The following COL16A1 variants were observed in gnomAD, a reference collection of about 807,000 sequenced individuals.
The protein encoded by COL16A1 is collagen alpha-1(XVI) chain.
Under a neutral mutation model 266.3 loss-of-function variants are expected in COL16A1, and 189 were observed. That is an observed-to-expected ratio of 0.71 (90% confidence interval 0.63 to 0.80). The LOEUF is 0.80. Among genes scored for constraint, COL16A1 ranks in the 30% least tolerant of loss-of-function variants. The probability of loss-of-function intolerance (pLI) is 0.00; values close to 1 mark genes in which losing one functional copy is unlikely to be tolerated. For synonymous variants in COL16A1, 740 were observed against 782.3 expected (o/e 0.95, Z 0.90); for missense variants, 1,928 against 2,122.4 (o/e 0.91, Z 1.80).
chr1:31,656,521 A>G lies in COL16A1; in HGVS notation c.4057-77T>C, dbSNP rs1557605474. 5 of 1,570,114 alleles carry G rather than the reference A, an allele frequency of 3.2e-6. No individual in the cohort carries two copies. In the East Asian group the frequency reaches 1.2e-4, roughly 36 times the overall value. On this transcript the variant is annotated intron_variant, in intron 65 of 70. Coordinates refer to ENST00000373672, the MANE Select transcript of COL16A1 (RefSeq NM_001856.4). This position sits in a 1 kb window ranked among gnomAD's most constrained non-coding sequence, Gnocchi z 4.2. Reference sequence around the variant, plus strand: ...CCCTGGGGAGGCAGGTGCAGTGAAGAGGCCCCTTCCACAGCCTGAGGCCCC... The same window carrying G: ...CCCTGGGGAGGCAGGTGCAGTGAAGGGGCCCCTTCCACAGCCTGAGGCCCC...
At chr1:31,662,191 G>A (rs1224721382) in intron 58 of COL16A1, 143 bp downstream of exon 58, 10 of 1,463,512 alleles carry the variant, frequency 6.8e-6, no homozygotes, top group Admixed American at 5.9e-5. Flanking sequence ...CTGGGGTAGA[G>A]GGAGACAGAC....
chr1:31,695,690 C>T (rs1644465143), intron 10 of COL16A1, 71 bp downstream of exon 10: 1 of 1,455,842 alleles, frequency 6.9e-7, no homozygotes, highest in South Asian at 1.2e-5. Context: ...TGCTGAGGAT[C>T]CGTGCCCAAA....
At position 31,662,638 on chromosome 1, in the gene COL16A1, G is replaced by A; in HGVS notation, c.3576C>T (p.Gly1192=). The change falls in exon 57 of 71, where the codon GGC becomes GGT. Residue 1192 remains glycine (G), a synonymous_variant. Coordinates refer to ENST00000373672, the MANE Select transcript of COL16A1 (RefSeq NM_001856.4). The part of the protein sequence containing the change: ...QAEKGSEGIR[G]PSGLPGSPGP... ...CAGGGGAGCCAGGCAGGCCTGATGG[G>A]CCTCGAATCCCTTCGCTGCCCTGGA... 2 of 1,552,102 alleles carry A rather than the reference G, an allele frequency of 1.3e-6. No individual in the cohort carries two copies. The highest frequency in any genetic ancestry group is 1.7e-6 in the Non-Finnish European group (2 of 1,148,962).
chr1:31,690,629 C>G, intron 20 of COL16A1, 56 bp from the exon 21 acceptor site: 1 of 1,594,222 alleles, frequency 6.3e-7, no homozygotes, highest in Non-Finnish European at 8.5e-7. Context: ...AATCTCGGTG[C>G]GTTCCCCCTT....
chr1:31,695,819 C>G, intron 9 of COL16A1, 32 bp from the exon 10 acceptor site: 1 of 1,597,768 alleles, frequency 6.3e-7, no homozygotes, highest in Non-Finnish European at 8.6e-7. Flanking sequence ...TGGGAATGGG[C>G]AGGGAGCTCA....
At position 31,665,626 on chromosome 1, in the gene COL16A1, G is replaced by A. The variant is rs753493539; in HGVS notation, c.3457-8C>T. 3 of 1,613,390 alleles carry A rather than the reference G, an allele frequency of 1.9e-6. No individual in the cohort carries two copies. Among genetic ancestry groups the A allele is most frequent in the East Asian group, 4.5e-5 (2 of 44,842 alleles). ...TGGCTGGCCTTGAAATCCCTAGGGT[G>A]AGAAGCAAGGGGCAGTGTGCTGTGC... On this transcript the variant is annotated splice_region_variant and splice_polypyrimidine_tract_variant and intron_variant, in intron 54 of 70. Coordinates refer to ENST00000373672, the MANE Select transcript of COL16A1 (RefSeq NM_001856.4).
rs570171179 is a variant in COL16A1 at position 31,668,387 on chromosome 1, C to T, written c.3250-169G>A. 3.0e-4 allele frequency among the ~76,000 whole-genome samples: 45 copies of T among 152,296 alleles called. No homozygotes were observed. Among genetic ancestry groups the T allele is most frequent in the African/African-American group, 8.2e-4 (34 of 41,562 alleles). Reference sequence around the variant, plus strand: ...TCCCCAAGCCCCAGGTCCCCTCGGTCGTGACCACCACCACAGACCTGGGCT... The same window carrying T: ...TCCCCAAGCCCCAGGTCCCCTCGGTTGTGACCACCACCACAGACCTGGGCT... On this transcript the variant is annotated intron_variant, in intron 50 of 70. Coordinates refer to ENST00000373672, the MANE Select transcript of COL16A1 (RefSeq NM_001856.4). This position sits in a 1 kb window ranked among gnomAD's most constrained non-coding sequence, Gnocchi z 5.8.
Position 31,652,615 on chromosome 1 carries a change from C to T in COL16A1, c.*36G>A. 4 of 1,524,106 alleles carry T rather than the reference C, an allele frequency of 2.6e-6. No individual in the cohort carries two copies. Among genetic ancestry groups the T allele is most frequent in the Non-Finnish European group, 3.5e-6 (4 of 1,138,660 alleles). 94.4% of individuals were successfully genotyped at this position (1,524,106 alleles called of 1,614,324 possible). Reference sequence around the variant, plus strand: ...CCTATAAGCTTTGGCCATTTATTCCCAACGGAGTCTTTCATCCAAAGGCAG... The same window carrying T: ...CCTATAAGCTTTGGCCATTTATTCCTAACGGAGTCTTTCATCCAAAGGCAG... On this transcript the variant is annotated 3_prime_UTR_variant, in exon 71 of 71. Coordinates refer to ENST00000373672, the MANE Select transcript of COL16A1 (RefSeq NM_001856.4). The surrounding 1 kb of genome is among the most constrained non-coding windows in gnomAD (Gnocchi z 4.8).
intron 42 of COL16A1, among the ~76,000 whole-genome samples, chr1:31,675,974 A>G (rs1212697755): frequency 6.6e-6 from 1 of 152,174 alleles, no homozygotes; most frequent in Non-Finnish European, 1.5e-5. Flanking sequence ...TCGTTTAATC[A>G]TCACAGCTAT....
Position 31,665,866 on chromosome 1 carries a change from C to T in COL16A1, c.3456+16G>A, listed in dbSNP as rs983522344. On this transcript the variant is annotated intron_variant, in intron 54 of 70. Coordinates refer to ENST00000373672, the MANE Select transcript of COL16A1 (RefSeq NM_001856.4). ...CTTCCCTGCCTCCCTGCAGCCAGGT[C>T]CCAGTCGTCACTCACCTGGTCGCCC... 12 of 1,614,030 alleles carry T rather than the reference C, an allele frequency of 7.4e-6. No homozygotes were observed. The African/African-American group carries it at 1.6e-4, about 22-fold the overall frequency.
Position 31,698,039 on chromosome 1 carries a change from A to T in COL16A1, c.524T>A (p.Val175Glu). 6.2e-7 allele frequency: 1 copy of T among 1,613,892 alleles called. No homozygotes were observed. ...DLRWHKLMLS[V>E]AGRVASVHVD... ...GTGCACAGAGGCCACACGTCCAGCCACACTCAGCATCAGCTTGTGCCAACG... is the reference window on the plus strand; with the variant it reads ...GTGCACAGAGGCCACACGTCCAGCCTCACTCAGCATCAGCTTGTGCCAACG... The change falls in exon 6 of 71, where the codon GTG becomes GAG. Residue 175 changes from valine to glutamate, a missense_variant. Physicochemically the swap from Val to Glu is moderately radical, Grantham distance 121. Around this residue, in one of 2 missense-constraint regions of COL16A1, gnomAD observed 1,552 missense variants for 1,637.2 expected, o/e 0.95. Coordinates refer to ENST00000373672, the MANE Select transcript of COL16A1 (RefSeq NM_001856.4). This position sits in a 1 kb window ranked among gnomAD's most constrained non-coding sequence, Gnocchi z 4.1.
At chr1:31,692,409 T>A in intron 16 of COL16A1, 65 bp downstream of exon 16, 1 of 1,561,874 alleles carries the variant, frequency 6.4e-7, no homozygotes, top group Non-Finnish European at 8.7e-7. Flanking sequence ...CGACTCCTCC[T>A]TCCTCATGGC....
rs917456933 is a variant in COL16A1, at chr1:31,656,212, T to TC, written c.4101+187dup. The TC allele has an allele frequency of 3.5e-6, 3 of 861,640 alleles. No individual in the cohort carries two copies. The highest frequency in any genetic ancestry group is 3.0e-5 in the Admixed American group (1 of 33,658). The allele number at this position is 861,640 out of a possible 1,614,324, so 53.4% of individuals were successfully genotyped here. ...TGAGTAAATGAACTGGAGATTTCCT[T>TC]CCCCCCAACCACAGCTAATGACCCC... is the stretch of plus-strand genomic sequence containing the variant. On this transcript the variant is annotated intron_variant, in intron 66 of 70. Transcript: ENST00000373672. The surrounding 1 kb of genome is among the most constrained non-coding windows in gnomAD (Gnocchi z 4.2).
Position 31,697,854 on chromosome 1 carries a change from C to T in COL16A1, c.657+52G>A, listed in dbSNP as rs1644565140. The T allele has an allele frequency of 5.2e-6, 8 of 1,543,252 alleles. No individual in the cohort carries two copies. The highest frequency in any genetic ancestry group is 7.0e-6 in the Non-Finnish European group (8 of 1,145,936). On this transcript the variant is annotated intron_variant, in intron 6 of 70. Transcript: ENST00000373672. The surrounding 1 kb of genome is among the most constrained non-coding windows in gnomAD (Gnocchi z 4.2). ...TCCGATACGGATTCCAGGAAGCCCA[C>T]TCAGGTTCCCAGAAGGCAGGAACAG...
chr1:31,683,463 A>G (rs899716491), intron 34 of COL16A1, 94 bp from the exon 35 acceptor site: 2 of 1,604,888 alleles, frequency 1.2e-6, no homozygotes, highest in African/African-American at 2.7e-5. Context: ...TGGGTGGGGT[A>G]TCTGCCAGCC....
chr1:31,665,731 C>T (rs915373466), intron 54 of COL16A1, 113 bp from the exon 55 acceptor site: 1 of 1,591,050 alleles, frequency 6.3e-7, no homozygotes, highest in African/African-American at 1.3e-5. Flanking sequence ...CTTTGCCCTC[C>T]CCTCTGCCCA....
rs779699223 is a variant in COL16A1, at chr1:31,662,686, C to A, written c.3556-28G>T. ...GGAAACCAGCGCCGCCCCCCCCCCC[C>A]GCCCCACAATAAAGTCAGCAGGGCT... On this transcript the variant is annotated intron_variant, in intron 56 of 70. Transcript: ENST00000373672. 1.4e-4 allele frequency: 140 copies of A among 1,021,402 alleles called. No individual in the cohort carries two copies. In the South Asian group the frequency reaches 1.8e-3, roughly 13 times the overall value. 63.3% of individuals were successfully genotyped at this position (1,021,402 alleles called of 1,614,324 possible).
intron 62 of COL16A1, chr1:31,660,083 C>CCCAT (rs147062121): frequency 0.14 from 21,201 of 151,410 alleles, 2,799 homozygotes; most frequent in African/African-American, 0.35. Flanking sequence ...TCTCTGGAGT[C>CCCAT]CCATCAGCTC....
chr1:31,684,607 G>A lies in COL16A1; in HGVS notation c.2076C>T (p.Asp692=), dbSNP rs558614463. ...GQKGDAGNPG[D]PGTPGTTGRP... ...GCCCTGTGGTGCCCGGCGTTCCAGG[G>A]TCTCCAGGATTCCCAGCATCACCCT... The change falls in exon 31 of 71, where the codon GAC becomes GAT. Residue 692 remains aspartate (D), a synonymous_variant. Coordinates refer to ENST00000373672, the MANE Select transcript of COL16A1 (RefSeq NM_001856.4). The A allele has an allele frequency of 2.5e-6, 4 of 1,613,708 alleles. No individual in the cohort carries two copies. Among genetic ancestry groups the A allele is most frequent in the Non-Finnish European group, 1.7e-6 (2 of 1,179,968 alleles).
Sources: gnomAD v4.1 joint callset for allele counts (sites outside exome capture counted in the v4.1 genomes callset) on GRCh38, gnomAD v4.1.1 for gene constraint, gnomAD v4.1.1 regional missense constraint, Gnocchi (gnomAD v3.1) non-coding constraint, MANE v1.5 for transcripts, NCBI Gene and HGNC (gene_info 2026-07-23, HGNC 2026-07-21) for gene names.